KHDRBS3: variants seen among roughly 807,000 people sequenced by gnomAD.
KHDRBS3 encodes KH domain-containing, RNA-binding, signal transduction-associated protein 3.
In KHDRBS3, 23 loss-of-function variants were observed where a neutral mutation model predicts 45.6. The ratio of observed to expected loss-of-function variants is 0.50; its 90% CI spans 0.36 to 0.72. The LOEUF (loss-of-function observed/expected upper bound fraction) is 0.72, where lower values mean the gene tolerates loss of function less well. KHDRBS3 is among the 30% of genes least tolerant of loss of function. KHDRBS3 has a pLI of 0.00. For synonymous variants in KHDRBS3, 162 were observed against 156.5 expected, an observed-to-expected ratio of 1.04 and a Z score of -0.26; for missense variants, 352 against 424.8, an observed-to-expected ratio of 0.83 and a Z score of 1.51.
intron 6 of KHDRBS3, among the ~76,000 whole-genome samples, chr8:135,583,323 T>C (rs1828305755): frequency 1.3e-5 from 2 of 152,342 alleles, no homozygotes; most frequent in South Asian, 4.1e-4. Flanking sequence ...TGAGGAAGGA[T>C]GTGTTTCCTC....
At chr8:135,463,498 GAGA>G (rs1439169797) in intron 1 of KHDRBS3, among the ~76,000 whole-genome samples, 1 of 152,182 alleles carries the variant, frequency 6.6e-6, no homozygotes, top group East Asian at 1.9e-4. Flanking sequence ...AGGAGATAAT[GAGA>G]AGATGTTGTC....
chr8:135,511,698 G>C (rs1438700787), intron 1 of KHDRBS3, among the ~76,000 whole-genome samples: 1 of 152,116 alleles, frequency 6.6e-6, no homozygotes, highest in African/African-American at 2.4e-5. Flanking sequence ...TGGGACTACA[G>C]GTGCCTGCCA....
intron 1 of KHDRBS3, among the ~76,000 whole-genome samples, chr8:135,499,471 TG>T (rs1221531050): frequency 6.6e-6 from 1 of 152,230 alleles, no homozygotes; most frequent in Non-Finnish European, 1.5e-5. Context: ...CTGATAGACT[TG>T]GCTACATGTG....
At chr8:135,494,964 TTTG>T (rs1246553345) in intron 1 of KHDRBS3, among the ~76,000 whole-genome samples, 1 of 151,862 alleles carries the variant, frequency 6.6e-6, no homozygotes, top group African/African-American at 2.4e-5. Flanking sequence ...GCAAGCAGAG[TTTG>T]TTGTTGTTGT....
intron 7 of KHDRBS3, among the ~76,000 whole-genome samples, chr8:135,631,115 A>T (rs963923445): frequency 5.9e-5 from 9 of 152,100 alleles, no homozygotes; most frequent in African/African-American, 1.7e-4. Flanking sequence ...GCCAGGTGTG[A>T]TGACGTGCAC....
chr8:135,468,222 T>C (rs1821798255), intron 1 of KHDRBS3, among the ~76,000 whole-genome samples: 1 of 152,190 alleles, frequency 6.6e-6, no homozygotes, highest in African/African-American at 2.4e-5. Flanking sequence ...ATCCCCTAAA[T>C]TGGCTTAGTA....
chr8:135,534,287 A>G lies in KHDRBS3; in HGVS notation c.208-8367A>G, dbSNP rs150134502. ...AATTACAAGTCCTTGTTGGCCAGTT[A>G]GACCCCATATACCAAAAATGTGCTT... On this transcript the variant is annotated intron_variant, in intron 2 of 8. Transcript: ENST00000355849. Among the ~76,000 whole-genome samples, 14 of 152,158 alleles carry G rather than the reference A, an allele frequency of 9.2e-5. No homozygotes were observed. The East Asian group carries it at 2.3e-3, about 25-fold the overall frequency.
intron 1 of KHDRBS3, among the ~76,000 whole-genome samples, chr8:135,496,577 G>C (rs951650300): frequency 1.3e-5 from 2 of 150,792 alleles, no homozygotes; most frequent in East Asian, 3.9e-4. Context: ...AAAAAAAAAA[G>C]TCTGTAAATA....
intron 2 of KHDRBS3, among the ~76,000 whole-genome samples, chr8:135,522,932 G>T (rs1246607006): frequency 6.6e-6 from 1 of 152,084 alleles, no homozygotes; most frequent in Non-Finnish European, 1.5e-5. Context: ...TCCACTGATT[G>T]TTTTGGTGCC....
At chr8:135,582,512 A>C (rs1828264400) in intron 6 of KHDRBS3, among the ~76,000 whole-genome samples, 2 of 152,236 alleles carry the variant, frequency 1.3e-5, no homozygotes, top group Non-Finnish European at 2.9e-5. Flanking sequence ...AATTCTTTTC[A>C]GTAAAGAAAA....
intron 2 of KHDRBS3, among the ~76,000 whole-genome samples, chr8:135,525,894 A>G (rs1825158424): frequency 6.6e-6 from 1 of 152,232 alleles, no homozygotes; most frequent in African/African-American, 2.4e-5. Context: ...GAAATAAAAT[A>G]AAGTGCAGTC....
intron 1 of KHDRBS3, among the ~76,000 whole-genome samples, chr8:135,474,872 G>C (rs184744393): frequency 2.6e-5 from 4 of 152,254 alleles, no homozygotes; most frequent in Non-Finnish European, 4.4e-5. Context: ...ATGTTACGGT[G>C]TGGGCGCTGC....
At chr8:135,473,917 A>T (rs963723681) in intron 1 of KHDRBS3, among the ~76,000 whole-genome samples, 1 of 152,208 alleles carries the variant, frequency 6.6e-6, no homozygotes, top group Admixed American at 6.5e-5. Flanking sequence ...GGAGGAGTCC[A>T]TGAGAATGGC....
intron 7 of KHDRBS3, among the ~76,000 whole-genome samples, chr8:135,611,955 C>T (rs554111993): frequency 6.6e-6 from 1 of 151,990 alleles, no homozygotes; most frequent in African/African-American, 2.4e-5. Flanking sequence ...ACAAGGAAAT[C>T]ATCACGGCCA....
At chr8:135,637,275 T>G (rs1449954042) in intron 7 of KHDRBS3, among the ~76,000 whole-genome samples, 1 of 152,260 alleles carries the variant, frequency 6.6e-6, no homozygotes, top group Non-Finnish European at 1.5e-5. Flanking sequence ...CCAAAGTTTA[T>G]TTTAAATATT....
intron 5 of KHDRBS3, among the ~76,000 whole-genome samples, chr8:135,568,850 C>T (rs763040901): frequency 1.4e-4 from 22 of 152,154 alleles, no homozygotes; most frequent in Non-Finnish European, 2.8e-4. Flanking sequence ...TTTTCCTGTG[C>T]TCTGCTCTTG....
At chr8:135,653,678 T>C (rs1831473885) in intron 4 of KHDRBS3, among the ~76,000 whole-genome samples, 1 of 152,240 alleles carries the variant, frequency 6.6e-6, no homozygotes, top group Non-Finnish European at 1.5e-5. Flanking sequence ...AACCGTATGC[T>C]AATGTAAGTG....
chr8:135,531,145 C>T (rs1244043939), intron 2 of KHDRBS3, among the ~76,000 whole-genome samples: 1 of 152,124 alleles, frequency 6.6e-6, no homozygotes, highest in African/African-American at 2.4e-5. Context: ...TTGTATATTA[C>T]TTGCGTGTGC....
At chr8:135,604,257 A>C (rs892453529) in intron 6 of KHDRBS3, among the ~76,000 whole-genome samples, 1 of 151,708 alleles carries the variant, frequency 6.6e-6, no homozygotes, top group African/African-American at 2.4e-5. Flanking sequence ...TCTTTTAGTT[A>C]CTATTTTCAT....
Sources: allele counts gnomAD v4.1 joint callset (sites outside exome capture counted in the v4.1 genomes callset), GRCh38; gene constraint gnomAD v4.1.1; transcripts MANE v1.5; gene names NCBI Gene and HGNC (gene_info 2026-07-23, HGNC 2026-07-21).